PRPF38A: variants seen among roughly 807,000 people sequenced by gnomAD.
PRPF38A encodes the protein pre-mRNA-splicing factor 38A.
A neutral mutation model predicts 46.8 loss-of-function variants in PRPF38A; 11 were observed. The ratio of observed to expected loss-of-function variants is 0.24; its 90% CI spans 0.15 to 0.39. The LOEUF (loss-of-function observed/expected upper bound fraction) is 0.39. Among genes scored for constraint, PRPF38A ranks in the 10% least tolerant of loss-of-function variants. The pLI, the probability that PRPF38A is intolerant of heterozygous loss-of-function variation, is 1.00. For missense variants in PRPF38A, 261 were observed against 407.5 expected (o/e 0.64, Z 3.10); for synonymous variants, 124 against 136.2 (o/e 0.91, Z 0.62).
Position 52,408,566 on chromosome 1 carries a change from C to T in PRPF38A, c.291-3C>T, listed in dbSNP as rs1648065860. 6.2e-7 allele frequency: 1 copy of T among 1,614,138 alleles called. No homozygotes were observed. Among genetic ancestry groups the T allele is most frequent in the East Asian group, 2.2e-5 (1 of 44,886 alleles). ...TGTTGTTTCACTGTCATCTGTCTCT[C>T]AGGTATGTCCGCATGCTGGGGGCAC... On this transcript the variant is annotated splice_region_variant and splice_polypyrimidine_tract_variant and intron_variant, in intron 2 of 9. Transcript: ENST00000257181.
intron 2 of PRPF38A, 132 bp from the exon 3 acceptor site, chr1:52,408,437 C>A: frequency 8.3e-7 from 1 of 1,198,926 alleles, no homozygotes; most frequent in Non-Finnish European, 1.2e-6. Flanking sequence ...CTGCATTCTA[C>A]CTCCACAATT....
intron 1 of PRPF38A, 124 bp from the exon 2 acceptor site, chr1:52,405,556 C>G: frequency 1.2e-6 from 1 of 808,960 alleles, no homozygotes; most frequent in South Asian, 1.7e-5. Flanking sequence ...GTTATTAATA[C>G]ACATTCGTTC....
In PRPF38A at chr1:52,412,583, G is replaced by A. The variant is rs759477093; in HGVS notation, c.568G>A (p.Asp190Asn). 6.2e-7 allele frequency: 1 copy of A among 1,613,836 alleles called. No individual in the cohort carries two copies. The highest frequency in any genetic ancestry group is 1.1e-5 in the South Asian group (1 of 91,070). ...TAGTGCTCTGGAAGAGGACATGGAT[G>A]ATGTGGAGTCCAGTGAAGAGGAAGA... The part of the protein sequence containing the change: ...RVSALEEDMD[D>N]VESSEEEEEE... Residue 190 changes from aspartate to asparagine, a missense_variant, in exon 5 of 10, where the codon GAT becomes AAT. By Grantham distance (23) the Asp-to-Asn change is conservative. Around this residue, in one of 2 missense-constraint regions of PRPF38A, gnomAD observed 180 missense variants for 221.0 expected, o/e 0.81. Transcript: ENST00000257181.
At chr1:52,414,493 G>A (rs1303893031) in intron 6 of PRPF38A, 128 bp from the exon 7 acceptor site, 5 of 955,970 alleles carry the variant, frequency 5.2e-6, no homozygotes, top group East Asian at 2.5e-5. Flanking sequence ...CTAGAGTTAC[G>A]TGACAAAAGA....
intron 4 of PRPF38A, 63 bp downstream of exon 4, chr1:52,411,263 CACAT>C: frequency 8.8e-7 from 1 of 1,131,316 alleles, no homozygotes; most frequent in Non-Finnish European, 1.3e-6. Flanking sequence ...GACAGACAAA[CACAT>C]ACACACAGCT....
chr1:52,404,720 C>T lies in PRPF38A; in HGVS notation c.-30C>T, dbSNP rs1411039812. The T allele has an allele frequency of 6.2e-7, 1 of 1,606,494 alleles. No individual in the cohort carries two copies. The highest frequency in any genetic ancestry group is 2.2e-5 in the East Asian group (1 of 44,818). On this transcript the variant is annotated 5_prime_UTR_variant, in exon 1 of 10. Coordinates refer to ENST00000257181, the MANE Select transcript of PRPF38A (RefSeq NM_032864.4). The stretch of plus-strand genomic sequence containing the variant: ...CCTGGATGTGAGGCATTAAAGGATC[C>T]GACGGAAATAGAATTGAAGGCATTC...
At chr1:52,415,718 T>C (rs767251232) in intron 9 of PRPF38A, among the ~76,000 whole-genome samples, 3 of 152,002 alleles carry the variant, frequency 2.0e-5, no homozygotes, top group Non-Finnish European at 2.9e-5. Context: ...TCAGAAAACA[T>C]GGGGTTTAGT....
At chr1:52,405,550 T>C (rs1437449204) in intron 1 of PRPF38A, 130 bp from the exon 2 acceptor site, 3 of 779,964 alleles carry the variant, frequency 3.8e-6, no homozygotes, top group Non-Finnish European at 6.4e-6. Context: ...GTTACTGTTA[T>C]TAATACACAT....
Position 52,420,793 on chromosome 1 carries a change from A to G in PRPF38A, c.*4103A>G, listed in dbSNP as rs941951360. On this transcript the variant is annotated 3_prime_UTR_variant, in exon 10 of 10. Transcript: ENST00000257181. ...AACTTTGTACTTTTATATAATGCTTATTTTCTTTTTACAATAAACATGTTA... is the reference window on the plus strand; with the variant it reads ...AACTTTGTACTTTTATATAATGCTTGTTTTCTTTTTACAATAAACATGTTA... 3 of 152,116 alleles carry G rather than the reference A, an allele frequency of 2.0e-5. No homozygotes were observed. The highest frequency in any genetic ancestry group is 7.2e-5 in the African/African-American group (3 of 41,432). 9.4% of individuals were successfully genotyped at this position (152,116 alleles called of 1,614,324 possible). A position where few individuals can be genotyped will look rare whatever the true frequency, so the allele number is the denominator to read the frequency against.
intron 3 of PRPF38A, among the ~76,000 whole-genome samples, chr1:52,410,452 T>C (rs933906074): frequency 3.3e-5 from 5 of 150,556 alleles, no homozygotes; most frequent in African/African-American, 4.9e-5. Flanking sequence ...CTTTTATATA[T>C]ATATAGATGT....
chr1:52,411,742 C>T (rs1424724931), intron 4 of PRPF38A, among the ~76,000 whole-genome samples: 2 of 151,838 alleles, frequency 1.3e-5, no homozygotes, highest in South Asian at 2.1e-4. Context: ...AAACGATTAT[C>T]CATGAGGCAT....
Position 52,417,493 on chromosome 1 carries a change from C to T in PRPF38A, c.*803C>T, listed in dbSNP as rs1208235720. 1 of 152,102 alleles carries T rather than the reference C, an allele frequency of 6.6e-6. No individual in the cohort carries two copies. The highest frequency in any genetic ancestry group is 1.5e-5 in the Non-Finnish European group (1 of 68,028). 9.4% of individuals were successfully genotyped at this position (152,102 alleles called of 1,614,324 possible). A position where few individuals can be genotyped will look rare whatever the true frequency, so the allele number is the denominator to read the frequency against. The stretch of plus-strand genomic sequence containing the variant: ...TGACCTAAATTGCTAGACAGTCGTG[C>T]CATTCACAAAGTCAGAAAATACAGC... On this transcript the variant is annotated 3_prime_UTR_variant, in exon 10 of 10. Coordinates refer to ENST00000257181, the MANE Select transcript of PRPF38A (RefSeq NM_032864.4).
intron 3 of PRPF38A, 76 bp from the exon 4 acceptor site, chr1:52,411,039 C>A: frequency 9.5e-7 from 1 of 1,048,150 alleles, no homozygotes; most frequent in Non-Finnish European, 1.5e-6. Context: ...GATATGAAGT[C>A]TTAACACTTC....
In PRPF38A at chr1:52,418,194, T is replaced by A. The variant is rs1040823109; in HGVS notation, c.*1504T>A. 6.5e-6 allele frequency: 1 copy of A among 152,698 alleles called. No homozygotes were observed. Among genetic ancestry groups the A allele is most frequent in the Non-Finnish European group, 1.5e-5 (1 of 68,046 alleles). The allele number at this position is 152,698 out of a possible 1,614,324, so 9.5% of individuals were successfully genotyped here. ...TTTTAATCTTATTTGAGCTTTCATA[T>A]TCTTCAATGGTTCCTTTCGTAATAC... On this transcript the variant is annotated 3_prime_UTR_variant, in exon 10 of 10. Coordinates refer to ENST00000257181, the MANE Select transcript of PRPF38A (RefSeq NM_032864.4).
At position 52,409,908 on chromosome 1, in the gene PRPF38A, C is replaced by T. The variant is rs76650488; in HGVS notation, c.413-1207C>T. Among the ~76,000 whole-genome samples the T allele has an allele frequency of 5.0e-3, 763 of 152,022 alleles. 8 individuals carry two copies. The highest frequency in any genetic ancestry group is 0.017 in the African/African-American group (706 of 41,458). Reference sequence around the variant, plus strand: ...TCTACCCACTAGATGGAAGTAACACCTCCTTCTAAGTAGGGGGATGGGCAT... The same window carrying T: ...TCTACCCACTAGATGGAAGTAACACTTCCTTCTAAGTAGGGGGATGGGCAT... On this transcript the variant is annotated intron_variant, in intron 3 of 9. Transcript: ENST00000257181.
intron 5 of PRPF38A, 58 bp from the exon 6 acceptor site, chr1:52,413,821 T>C: frequency 2.7e-6 from 3 of 1,128,794 alleles, no homozygotes; most frequent in Non-Finnish European, 4.0e-6. Context: ...TAATTAGTGT[T>C]CCTAGATGGC....
intron 2 of PRPF38A, among the ~76,000 whole-genome samples, chr1:52,408,086 C>G (rs1342201044): frequency 6.7e-6 from 1 of 149,806 alleles, no homozygotes; most frequent in Non-Finnish European, 1.5e-5. Context: ...AATAAAAATA[C>G]AAAAATTAGC....
intron 8 of PRPF38A, 108 bp from the exon 9 acceptor site, chr1:52,415,230 A>G (rs1409794860): frequency 4.4e-6 from 5 of 1,131,920 alleles, no homozygotes; most frequent in East Asian, 2.4e-5. Context: ...TGTCCCCTGC[A>G]TAGGCCAAAA....
chr1:52,405,015 G>A, intron 1 of PRPF38A, 136 bp downstream of exon 1: 3 of 976,072 alleles, frequency 3.1e-6, no homozygotes, highest in South Asian at 3.2e-5. Flanking sequence ...AAAATTTTGA[G>A]TGCCTGCTAA....
Sources: gnomAD v4.1 joint callset for allele counts (sites outside exome capture counted in the v4.1 genomes callset) on GRCh38, gnomAD v4.1.1 for gene constraint, gnomAD v4.1.1 regional missense constraint, MANE v1.5 for transcripts, NCBI Gene and HGNC (gene_info 2026-07-23, HGNC 2026-07-21) for gene names.